Variants in FBXL5 observed in about 807,000 individuals in gnomAD.
FBXL5 encodes the protein F-box/LRR-repeat protein 5.
A neutral mutation model predicts 78.3 loss-of-function variants in FBXL5; 26 were observed. That is an observed-to-expected ratio of 0.33 (90% confidence interval 0.24 to 0.46). The LOEUF is 0.46. Among genes scored for constraint, FBXL5 ranks in the 20% least tolerant of loss-of-function variants. The probability of loss-of-function intolerance (pLI) is 1.00; values close to 1 mark genes in which losing one functional copy is unlikely to be tolerated. For missense variants in FBXL5, 710 were observed against 829.2 expected (o/e 0.86, Z 1.77); for synonymous variants, 295 against 282.5 (o/e 1.04, Z -0.45).
chr4:15,654,236 C>T (rs962436378), intron 1 of FBXL5, among the ~76,000 whole-genome samples: 1 of 152,198 alleles, frequency 6.6e-6, no homozygotes, highest in Admixed American at 6.5e-5. Flanking sequence ...AAACAGTAGT[C>T]ATTTGAATGC....
At chr4:15,655,516 C>T (rs1450873632), upstream of FBXL5, 2 of 349,032 alleles carry the variant, frequency 5.7e-6, no homozygotes, top group Non-Finnish European at 8.1e-6. Flanking sequence ...CTGCCTCCCG[C>T]CCCCACTCTT....
chr4:15,678,453 G>A (rs1718072559), intron 1 of FBXL5, among the ~76,000 whole-genome samples: 1 of 152,134 alleles, frequency 6.6e-6, no homozygotes, highest in African/African-American at 2.4e-5. Context: ...TTCCCCAAGT[G>A]AAGGCTTTAA....
Position 15,644,647 on chromosome 4 carries a change from GCATA to G in FBXL5, c.142_145del (p.Tyr48LeufsTer48). 1 of 1,614,052 alleles carries G rather than the reference GCATA, an allele frequency of 6.2e-7. No homozygotes were observed. The highest frequency in any genetic ancestry group is 1.1e-5 in the South Asian group (1 of 91,080). On this transcript the variant is annotated frameshift_variant, in exon 2 of 11. Transcript: ENST00000341285. LOFTEE classifies it high-confidence loss of function. Reference sequence around the variant, plus strand: ...ATGCATTTTGAACTCCTTGAAAGTAGCATACAAAGACTGCAGAAGAGCACGGAAA... The same window carrying G: ...ATGCATTTTGAACTCCTTGAAAGTAGCAAAGACTGCAGAAGAGCACGGAAA...
At chr4:15,644,027 G>C (rs112470988) in intron 2 of FBXL5, among the ~76,000 whole-genome samples, 2,459 of 152,260 alleles carry the variant, frequency 0.016, 69 homozygotes, top group African/African-American at 0.056. Context: ...CTCTGTTCTT[G>C]TTCGGCTTAG....
intron 9 of FBXL5, among the ~76,000 whole-genome samples, chr4:15,613,188 G>A (rs982205510): frequency 2.0e-5 from 3 of 152,088 alleles, no homozygotes; most frequent in South Asian, 2.1e-4. Context: ...CAGAGGCTGG[G>A]GAAAGGGGGA....
chr4:15,648,884 T>A (rs981054444), intron 1 of FBXL5, among the ~76,000 whole-genome samples: 8 of 152,138 alleles, frequency 5.3e-5, no homozygotes, highest in Non-Finnish European at 1.0e-4. Context: ...ACACAAAGGG[T>A]AATCGTTTGT....
intron 5 of FBXL5, among the ~76,000 whole-genome samples, chr4:15,635,569 C>T (rs1296425784): frequency 1.3e-5 from 2 of 151,836 alleles, no homozygotes; most frequent in East Asian, 1.9e-4. Context: ...GCCTGATCAA[C>T]ATGATGAAAC....
intron 7 of FBXL5, 125 bp downstream of exon 7, chr4:15,627,760 C>T: frequency 1.3e-6 from 1 of 759,368 alleles, no homozygotes; most frequent in Non-Finnish European, 2.1e-6. Context: ...TATGCCTACC[C>T]ATAGGAAGGC....
intron 9 of FBXL5, among the ~76,000 whole-genome samples, chr4:15,619,411 A>G (rs2148552836): frequency 6.6e-6 from 1 of 152,294 alleles, no homozygotes; most frequent in Non-Finnish European, 1.5e-5. Context: ...CAAATCACAC[A>G]TTAATAAAGG....
At chr4:15,637,550 T>C (rs1371978767) in intron 4 of FBXL5, among the ~76,000 whole-genome samples, 1 of 152,166 alleles carries the variant, frequency 6.6e-6, no homozygotes, top group Non-Finnish European at 1.5e-5. Context: ...ATTTTAAATA[T>C]AATACAGCTA....
At chr4:15,606,052 A>G (rs59746966) in intron 10 of FBXL5, among the ~76,000 whole-genome samples, 2 of 152,324 alleles carry the variant, frequency 1.3e-5, no homozygotes, top group East Asian at 3.9e-4. Context: ...GCAACAACTT[A>G]CAATATAAAA....
chr4:15,651,918 AC>A (rs746396364), intron 1 of FBXL5, among the ~76,000 whole-genome samples: 4 of 152,154 alleles, frequency 2.6e-5, no homozygotes, highest in Non-Finnish European at 5.9e-5. Context: ...CACTCCTGAC[AC>A]TTTAATGTGG....
chr4:15,647,160 T>C (rs1172361168), intron 1 of FBXL5, among the ~76,000 whole-genome samples: 1 of 139,270 alleles, frequency 7.2e-6, no homozygotes, highest in South Asian at 2.2e-4. Context: ...GAGGCAGAGG[T>C]TGCAGTGAGC....
rs1712954618 is a variant in FBXL5 at position 15,625,530 on chromosome 4, G to A, written c.1572C>T (p.Asp524=). ...SCSTSGCFSK[D]IVGLRTSVCW... ...AGACACTAGTCCTTAGTCCAACAAT[G>A]TCCTTACTAAAACAACCAGAGGTGG... Residue 524 remains aspartate, a synonymous_variant, in exon 9 of 11, where the codon GAC becomes GAT. Coordinates refer to ENST00000341285, the MANE Select transcript of FBXL5 (RefSeq NM_012161.4). 2.5e-6 allele frequency: 4 copies of A among 1,613,992 alleles called. No individual in the cohort carries two copies. The highest frequency in any genetic ancestry group is 8.5e-7 in the Non-Finnish European group (1 of 1,180,024).
Position 15,648,532 on chromosome 4 carries a change from A to G in FBXL5, c.85-3824T>C, listed in dbSNP as rs74693733. On this transcript the variant is annotated intron_variant, in intron 1 of 10. Coordinates refer to ENST00000341285, the MANE Select transcript of FBXL5 (RefSeq NM_012161.4). ...GAAAATGTGATATATACAATAAAAT[A>G]TTATTCAGTCATAAAAAAGGAAATC... 9.3e-4 allele frequency among the ~76,000 whole-genome samples: 142 copies of G among 152,344 alleles called. 2 individuals carry two copies. The East Asian group carries it at 0.024, about 26-fold the overall frequency.
chr4:15,624,094 G>T (rs984984549), intron 9 of FBXL5, among the ~76,000 whole-genome samples: 1 of 152,024 alleles, frequency 6.6e-6, no homozygotes, highest in African/African-American at 2.4e-5. Flanking sequence ...AAAGTGCTGG[G>T]ATTACAGACG....
At chr4:15,629,587 G>A (rs1159948964) in intron 6 of FBXL5, among the ~76,000 whole-genome samples, 1 of 151,984 alleles carries the variant, frequency 6.6e-6, no homozygotes, top group African/African-American at 2.4e-5. Flanking sequence ...CGCCAGTTTT[G>A]TTTTGCTTTT....
At chr4:15,670,751 A>G (rs1183898014) in intron 1 of FBXL5, among the ~76,000 whole-genome samples, 3 of 151,790 alleles carry the variant, frequency 2.0e-5, no homozygotes, top group Non-Finnish European at 4.4e-5. Flanking sequence ...GTAAAATAGC[A>G]GCTTGCAGAC....
intron 1 of FBXL5, among the ~76,000 whole-genome samples, chr4:15,649,804 A>C (rs1403895548): frequency 6.6e-6 from 1 of 152,180 alleles, no homozygotes; most frequent in Non-Finnish European, 1.5e-5. Flanking sequence ...TTCTTAAAAC[A>C]ACCTAAAAAG....
Sources: allele counts gnomAD v4.1 joint callset (sites outside exome capture counted in the v4.1 genomes callset), GRCh38; gene constraint gnomAD v4.1.1; transcripts MANE v1.5; gene names NCBI Gene and HGNC (gene_info 2026-07-23, HGNC 2026-07-21).